The following EPHA6 variants were observed in gnomAD, a reference collection of about 807,000 sequenced individuals.
EPHA6 encodes the protein EPH receptor A6, also known as ephrin type-A receptor 6.
A neutral mutation model predicts 112.0 loss-of-function variants in EPHA6; 50 were observed. That is an observed-to-expected ratio of 0.45 (90% confidence interval 0.36 to 0.56). The LOEUF is 0.56. EPHA6 is among the 20% of genes least tolerant of loss of function. EPHA6 has a pLI of 0.00. For synonymous variants in EPHA6, 529 were observed against 490.7 expected (o/e 1.08, Z -1.03); for missense variants, 1,280 against 1,417.4 (o/e 0.90, Z 1.56).
At chr3:97,456,989 A>G (rs774381085) in intron 7 of EPHA6, among the ~76,000 whole-genome samples, 14 of 152,176 alleles carry the variant, frequency 9.2e-5, no homozygotes, top group Non-Finnish European at 1.9e-4. Context: ...ATTGACTTGT[A>G]TTTTGATATG....
chr3:97,294,592 G>A (rs951458466), intron 5 of EPHA6, among the ~76,000 whole-genome samples: 1 of 151,970 alleles, frequency 6.6e-6, no homozygotes, highest in African/African-American at 2.4e-5. Flanking sequence ...TTATTTTGTT[G>A]TTTTTTGTCA....
chr3:96,982,637 C>T (rs928959828), intron 2 of EPHA6, among the ~76,000 whole-genome samples: 1 of 152,096 alleles, frequency 6.6e-6, no homozygotes, highest in Non-Finnish European at 1.5e-5. Flanking sequence ...ATTGATCTGT[C>T]TAATGTTGAC....
intron 2 of EPHA6, among the ~76,000 whole-genome samples, chr3:96,942,279 A>G (rs2041005077): frequency 1.3e-5 from 2 of 152,146 alleles, no homozygotes; most frequent in African/African-American, 4.8e-5. Flanking sequence ...CCAGCTTCCC[A>G]GCTGCTTTGT....
At chr3:96,977,945 G>A (rs2042598971) in intron 2 of EPHA6, among the ~76,000 whole-genome samples, 2 of 152,178 alleles carry the variant, frequency 1.3e-5, no homozygotes, top group African/African-American at 4.8e-5. Flanking sequence ...TATCACCTGA[G>A]CTCAGGAGTT....
chr3:97,392,764 A>T (rs2086484709), intron 5 of EPHA6, among the ~76,000 whole-genome samples: 1 of 151,766 alleles, frequency 6.6e-6, no homozygotes, highest in South Asian at 2.1e-4. Context: ...TTAGTCATCT[A>T]CTTATTAATG....
chr3:97,466,302 T>A, intron 7 of EPHA6: 1 of 1,455,516 alleles, frequency 6.9e-7, no homozygotes, highest in Non-Finnish European at 9.6e-7. Context: ...AGCAACATAA[T>A]AAACAATGAG....
chr3:96,899,410 G>C (rs2038479694), intron 2 of EPHA6, among the ~76,000 whole-genome samples: 1 of 152,122 alleles, frequency 6.6e-6, no homozygotes, highest in South Asian at 2.1e-4. Context: ...ACCAGTTCTA[G>C]GGGGAACATG....
chr3:97,047,982 T>C (rs1576388427), intron 3 of EPHA6, among the ~76,000 whole-genome samples: 1 of 152,250 alleles, frequency 6.6e-6, no homozygotes, highest in East Asian at 1.9e-4. Context: ...CAAATATATA[T>C]TATATAGCTC....
chr3:97,567,151 T>C (rs958624321), intron 11 of EPHA6, among the ~76,000 whole-genome samples: 1 of 152,172 alleles, frequency 6.6e-6, no homozygotes, highest in African/African-American at 2.4e-5. Flanking sequence ...GAAAGAGCAT[T>C]GGGAATGGAA....
rs972159131 is a variant in EPHA6, at chr3:97,464,635, C to T, written c.1895-10717C>T. 9.7e-4 allele frequency among the ~76,000 whole-genome samples: 148 copies of T among 152,092 alleles called. 1 individual carries two copies. Among genetic ancestry groups the T allele is most frequent in the Non-Finnish European group, 2.1e-4 (14 of 67,976 alleles). The stretch of plus-strand genomic sequence containing the variant: ...TAGATTGAGAGTTCAGAGTCCCCCA[C>T]CACAGGATACTGGGAAAAAAGATGA... On this transcript the variant is annotated intron_variant, in intron 7 of 17. Transcript: ENST00000389672.
At chr3:97,715,265 T>A (rs1041308522) in intron 14 of EPHA6, among the ~76,000 whole-genome samples, 13 of 152,222 alleles carry the variant, frequency 8.5e-5, no homozygotes, top group African/African-American at 2.9e-4. Context: ...TATTTTATGG[T>A]CATTAATTCA....
chr3:97,325,520 G>A (rs2082377108), intron 5 of EPHA6, among the ~76,000 whole-genome samples: 1 of 152,038 alleles, frequency 6.6e-6, no homozygotes, highest in Non-Finnish European at 1.5e-5. Context: ...GAAATACTCT[G>A]AGGTACAGGG....
intron 10 of EPHA6, among the ~76,000 whole-genome samples, chr3:97,495,667 T>C (rs185071773): frequency 4.6e-5 from 7 of 152,280 alleles, no homozygotes; most frequent in Admixed American, 4.6e-4. Context: ...CTGTGATTTG[T>C]TCTGCCTTGC....
chr3:97,667,527 C>T lies in EPHA6; in HGVS notation c.2784+29445C>T, dbSNP rs369535432. Among the ~76,000 whole-genome samples the T allele has an allele frequency of 2.2e-4, 34 of 152,220 alleles. No homozygotes were observed. The South Asian group carries it at 2.7e-3, about 12-fold the overall frequency. The stretch of plus-strand genomic sequence containing the variant: ...AGGAATTTATGTTATACAATATCAC[C>T]TCAGGAAAGATGTTGCTAAAAAGAC... On this transcript the variant is annotated intron_variant, in intron 14 of 17. Coordinates refer to ENST00000389672, the MANE Select transcript of EPHA6 (RefSeq NM_001080448.3).
chr3:97,452,357 G>A (rs1002690522), intron 7 of EPHA6, among the ~76,000 whole-genome samples: 8 of 151,816 alleles, frequency 5.3e-5, no homozygotes, highest in African/African-American at 1.7e-4. Flanking sequence ...TGGAGGTAGA[G>A]ATATAGACAG....
intron 5 of EPHA6, among the ~76,000 whole-genome samples, chr3:97,350,835 A>G (rs1293688134): frequency 1.3e-5 from 2 of 150,168 alleles, no homozygotes; most frequent in African/African-American, 5.0e-5. Flanking sequence ...AAAAAAAAAT[A>G]TATATAATCT....
At chr3:97,353,310 C>T (rs72926351) in intron 5 of EPHA6, among the ~76,000 whole-genome samples, 4,170 of 151,718 alleles carry the variant, frequency 0.027, 201 homozygotes, top group African/African-American at 0.089. Flanking sequence ...GACACCAGCT[C>T]GGCCACAGTG....
intron 3 of EPHA6, among the ~76,000 whole-genome samples, chr3:97,109,197 A>G (rs2047649838): frequency 6.6e-6 from 1 of 152,212 alleles, no homozygotes; most frequent in Non-Finnish European, 1.5e-5. Context: ...AGCTCAAACT[A>G]TGCAATAATC....
At chr3:97,580,816 AG>A (rs1256663371) in intron 11 of EPHA6, among the ~76,000 whole-genome samples, 1 of 152,234 alleles carries the variant, frequency 6.6e-6, no homozygotes, top group Non-Finnish European at 1.5e-5. Context: ...AAAAAGGAAT[AG>A]CCTCACTAAA....
Sources: gnomAD v4.1 joint callset for allele counts (sites outside exome capture counted in the v4.1 genomes callset) on GRCh38, gnomAD v4.1.1 for gene constraint, MANE v1.5 for transcripts, NCBI Gene and HGNC (gene_info 2026-07-23, HGNC 2026-07-21) for gene names.